HEATR4: variants seen among roughly 807,000 people sequenced by gnomAD.
HEATR4 encodes HEAT repeat containing 4.
Under a neutral mutation model 108.8 loss-of-function variants are expected in HEATR4, and 95 were observed. That is an observed-to-expected ratio of 0.87 (90% CI 0.74 to 1.04). HEATR4 has a LOEUF of 1.04. Among genes scored for constraint, HEATR4 ranks in the 50% least tolerant of loss-of-function variants. The pLI, the probability that HEATR4 is intolerant of heterozygous loss-of-function variation, is 0.00. For synonymous variants in HEATR4, 443 were observed against 459.4 expected, an observed-to-expected ratio of 0.96 and a Z score of 0.46; for missense variants, 1,152 against 1,253.8, an observed-to-expected ratio of 0.92 and a Z score of 1.23.
the HEATR4 span, among the ~76,000 whole-genome samples, chr14:73,628,889 C>T: frequency 1.8e-4 from 27 of 151,158 alleles, no homozygotes; most frequent in African/African-American, 6.6e-4. Flanking sequence ...CCCGTCTCTA[C>T]TAAAAATACA....
the HEATR4 span, chr14:73,568,932 T>A: frequency 7.2e-6 from 3 of 414,602 alleles, no homozygotes; most frequent in Non-Finnish European, 1.3e-5. Flanking sequence ...AACAAAGTGA[T>A]CAAAACTAAC....
chr14:73,617,725 T>C, the HEATR4 span, among the ~76,000 whole-genome samples: 1 of 152,184 alleles, frequency 6.6e-6, no homozygotes, highest in Admixed American at 6.5e-5. Context: ...TTGAGACAAC[T>C]GGAGACATTT....
At chr14:73,600,377 C>A in the HEATR4 span, among the ~76,000 whole-genome samples, 1 of 151,966 alleles carries the variant, frequency 6.6e-6, no homozygotes, top group Non-Finnish European at 1.5e-5. Flanking sequence ...GTTCAAAGTT[C>A]TCTTTTAATT....
Position 73,503,008 on chromosome 14 carries a change from C to A in HEATR4, c.1992G>T (p.Met664Ile). ...ACATCAGCTGGATCAACTTATGTTTCATATCCTATAAATAGGTATGATCAT... is the reference window on the plus strand; with the variant it reads ...ACATCAGCTGGATCAACTTATGTTTAATATCCTATAAATAGGTATGATCAT... ...SRISGNVCLD[M>I]KHKLIQLMWN... is the part of the protein sequence containing the mutation. Residue 664 changes from methionine to isoleucine, a missense_variant, in exon 11 of 18, where the codon ATG (methionine) becomes ATT (isoleucine). Met to Ile is a conservative substitution (Grantham distance 10). Coordinates refer to ENST00000553558, the MANE Select transcript of HEATR4 (RefSeq NM_001220484.1). 1 of 1,610,348 alleles carries A rather than the reference C, an allele frequency of 6.2e-7. No individual in the cohort carries two copies. Among genetic ancestry groups the A allele is most frequent in the South Asian group, 1.1e-5 (1 of 91,020 alleles).
chr14:73,519,339 A>T (rs1439641438), intron 4 of HEATR4, among the ~76,000 whole-genome samples, 176 bp from the exon 5 acceptor site: 1 of 152,124 alleles, frequency 6.6e-6, no homozygotes, highest in East Asian at 1.9e-4. Flanking sequence ...TAGAAATATC[A>T]CAGTGATAAA....
chr14:73,589,727 T>G, the HEATR4 span, among the ~76,000 whole-genome samples: 1 of 152,184 alleles, frequency 6.6e-6, no homozygotes, highest in African/African-American at 2.4e-5. Flanking sequence ...GGTCTTGGTC[T>G]CACTGACTTC....
At chr14:73,585,185 T>G in the HEATR4 span, among the ~76,000 whole-genome samples, 124,005 of 151,922 alleles carry the variant, frequency 0.82, 51,284 homozygotes, top group African/African-American at 0.95. Context: ...ACTGTTCCTG[T>G]CTCACGACCT....
chr14:73,612,915 A>G, the HEATR4 span: 3 of 1,357,040 alleles, frequency 2.2e-6, no homozygotes, highest in Non-Finnish European at 2.0e-6. Flanking sequence ...CACGACACCG[A>G]GCCCGGGCGG....
At chr14:73,521,514 CAG>C (rs1887976825) in intron 3 of HEATR4, among the ~76,000 whole-genome samples, 2 of 152,172 alleles carry the variant, frequency 1.3e-5, no homozygotes, top group Admixed American at 1.3e-4. Context: ...CAGCACTTTG[CAG>C]AGTGCCTGGA....
At chr14:73,597,843 C>T in the HEATR4 span, among the ~76,000 whole-genome samples, 4 of 151,842 alleles carry the variant, frequency 2.6e-5, no homozygotes, top group African/African-American at 7.2e-5. Flanking sequence ...CCATCTGCCT[C>T]GGCTTCCCAA....
the HEATR4 span, among the ~76,000 whole-genome samples, chr14:73,627,063 A>T: frequency 4.9e-4 from 74 of 151,838 alleles, no homozygotes; most frequent in South Asian, 0.014. Context: ...AAGTGCTGGG[A>T]TTACAGGTGT....
upstream of HEATR4, among the ~76,000 whole-genome samples, chr14:73,561,293 G>A (rs1222790257): frequency 6.6e-6 from 1 of 151,882 alleles, no homozygotes; most frequent in African/African-American, 2.4e-5. Context: ...TTGAACCCAG[G>A]AGGCAGAGGT....
At chr14:73,521,877 A>G (rs1012229710) in intron 3 of HEATR4, among the ~76,000 whole-genome samples, 1 of 152,194 alleles carries the variant, frequency 6.6e-6, no homozygotes, top group African/African-American at 2.4e-5. Flanking sequence ...TCTGATGGCA[A>G]AGTCTGCTGG....
the HEATR4 span, among the ~76,000 whole-genome samples, chr14:73,579,265 T>TAAAAAAAAA: frequency 1.4e-5 from 1 of 70,836 alleles, no homozygotes; most frequent in Non-Finnish European, 2.6e-5. Flanking sequence ...TCAAAAAAAT[T>TAAAAAAAAA]AAAAAAAAAA....
chr14:73,569,080 T>A, the HEATR4 span: 2 of 885,602 alleles, frequency 2.3e-6, no homozygotes, highest in East Asian at 2.6e-5. Context: ...AGGAAGTAGC[T>A]TTCCAACATA....
intron 1 of HEATR4, among the ~76,000 whole-genome samples, chr14:73,538,457 C>CA (rs1888953745): frequency 8.9e-6 from 1 of 111,924 alleles, no homozygotes. Context: ...ACTAAAAATA[C>CA]AAAAAATTAG....
chr14:73,509,523 C>T, intron 7 of HEATR4, 50 bp from the exon 8 acceptor site: 1 of 1,594,484 alleles, frequency 6.3e-7, no homozygotes, highest in Non-Finnish European at 8.6e-7. Flanking sequence ...TTGCTTTTCT[C>T]ACACACAGCT....
chr14:73,481,702 G>A (rs1001299399), intron 17 of HEATR4, among the ~76,000 whole-genome samples: 5 of 152,022 alleles, frequency 3.3e-5, no homozygotes, highest in Admixed American at 2.0e-4. Flanking sequence ...AAAATTAGCC[G>A]GGCATGGTGG....
At chr14:73,508,079 C>T in intron 9 of HEATR4, 55 bp downstream of exon 9, 1 of 1,536,198 alleles carries the variant, frequency 6.5e-7, no homozygotes, top group South Asian at 1.1e-5. Context: ...ATTCACTGAC[C>T]TCAAAGACCT....
Sources: gnomAD v4.1 joint callset for allele counts (sites outside exome capture counted in the v4.1 genomes callset) on GRCh38, gnomAD v4.1.1 for gene constraint, MANE v1.5 for transcripts, NCBI Gene and HGNC (gene_info 2026-07-23, HGNC 2026-07-21) for gene names.